The following MS4A13 variants were observed in gnomAD, a reference collection of about 807,000 sequenced individuals.
The protein encoded by MS4A13 is membrane spanning 4-domains A13, also known as membrane-spanning 4-domains subfamily A member 13.
Under a neutral mutation model 18.4 loss-of-function variants are expected in MS4A13, and 21 were observed. That is an observed-to-expected ratio of 1.14 (90% CI 0.81 to 1.64). The LOEUF (loss-of-function observed/expected upper bound fraction) is 1.64. Ranked by LOEUF, MS4A13 falls within the 40% of genes most tolerant of loss-of-function variation. The pLI is 0.00. For missense variants in MS4A13, 173 were observed against 176.8 expected (o/e 0.98, Z 0.12); for synonymous variants, 62 against 57.2 (o/e 1.08, Z -0.38).
intron 3 of MS4A13, among the ~76,000 whole-genome samples, chr11:60,523,117 T>C (rs1023904357): frequency 1.2e-4 from 19 of 152,220 alleles, no homozygotes; most frequent in African/African-American, 4.6e-4. Context: ...AATCTCAGCT[T>C]TTGTTGTGGA....
downstream of MS4A13, chr11:60,542,815 G>A: frequency 3.1e-6 from 1 of 321,548 alleles, no homozygotes; most frequent in Non-Finnish European, 5.7e-6. Context: ...TAGGTACGCT[G>A]AATAGCTGTC....
intron 6 of MS4A13, among the ~76,000 whole-genome samples, chr11:60,531,830 A>G (rs1450199770): frequency 6.6e-6 from 1 of 152,110 alleles, no homozygotes; most frequent in Non-Finnish European, 1.5e-5. Flanking sequence ...GGCTCATTCT[A>G]ATTACCTTAT....
At chr11:60,542,258 GAA>G (rs1321245912) in intron 6 of MS4A13, among the ~76,000 whole-genome samples, 2 of 146,166 alleles carry the variant, frequency 1.4e-5, no homozygotes, top group Admixed American at 6.9e-5. Flanking sequence ...AAAAGAGAAA[GAA>G]AGAAAGAAAA....
intron 6 of MS4A13, among the ~76,000 whole-genome samples, chr11:60,540,956 C>CAA (rs34052697): frequency 0.02 from 2,209 of 109,512 alleles, 50 homozygotes; most frequent in African/African-American, 0.071. Flanking sequence ...CCCTATCTCA[C>CAA]AAAAAAAAAA....
At position 60,542,666 on chromosome 11, in the gene MS4A13, C is replaced by A. The variant is rs966372399; in HGVS notation, c.*91C>A. 1 of 713,392 alleles carries A rather than the reference C, an allele frequency of 1.4e-6. No individual in the cohort carries two copies. The highest frequency in any genetic ancestry group is 2.2e-6 in the Non-Finnish European group (1 of 444,778). 44.2% of individuals were successfully genotyped at this position (713,392 alleles called of 1,614,324 possible). On this transcript the variant is annotated 3_prime_UTR_variant, in exon 7 of 7. Transcript: ENST00000378186. ...TATAACAAAGCAGTTACGAAGCCTA[C>A]AGATTTTGTGCAAAATAAAATACAA...
intron 6 of MS4A13, among the ~76,000 whole-genome samples, chr11:60,538,669 T>A (rs974282570): frequency 4.0e-5 from 6 of 151,384 alleles, no homozygotes; most frequent in Admixed American, 6.6e-5. Flanking sequence ...GTCCCATCTA[T>A]CCTATGAGAG....
chr11:60,522,227 GA>G (rs1565210885), intron 3 of MS4A13, among the ~76,000 whole-genome samples: 2 of 97,236 alleles, frequency 2.1e-5, no homozygotes, highest in African/African-American at 4.9e-5. Context: ...TAGATAGATA[GA>G]TAGATAGATA....
chr11:60,528,686 T>C (rs1319422247), intron 5 of MS4A13, among the ~76,000 whole-genome samples: 2 of 152,136 alleles, frequency 1.3e-5, no homozygotes, highest in African/African-American at 2.4e-5. Flanking sequence ...TTCTTGTCTT[T>C]CCACAGCCAG....
chr11:60,527,600 C>T (rs1053789815), intron 5 of MS4A13, among the ~76,000 whole-genome samples: 3 of 152,084 alleles, frequency 2.0e-5, no homozygotes, highest in Admixed American at 6.5e-5. Flanking sequence ...CTTTGGAAGG[C>T]CAAGGCAGGC....
intron 6 of MS4A13, 70 bp from the exon 7 acceptor site, chr11:60,542,449 A>T: frequency 9.6e-7 from 1 of 1,043,860 alleles, no homozygotes; most frequent in Admixed American, 2.2e-5. Context: ...TTTTAAGAAA[A>T]AGATCTATTT....
chr11:60,532,484 C>G (rs1283490685), intron 6 of MS4A13, among the ~76,000 whole-genome samples: 1 of 152,226 alleles, frequency 6.6e-6, no homozygotes, highest in Non-Finnish European at 1.5e-5. Flanking sequence ...AACGGCGCAC[C>G]AGGAGACTAT....
intron 6 of MS4A13, among the ~76,000 whole-genome samples, chr11:60,537,925 G>A (rs928602049): frequency 7.6e-6 from 1 of 132,108 alleles, no homozygotes; most frequent in African/African-American, 2.8e-5. Context: ...ACTATCGCAA[G>A]AACAAAAAAC....
At chr11:60,528,699 C>A (rs2086738196) in intron 5 of MS4A13, among the ~76,000 whole-genome samples, 1 of 152,174 alleles carries the variant, frequency 6.6e-6, no homozygotes, top group Admixed American at 6.5e-5. Context: ...ACAGCCAGCA[C>A]AAAACCCACA....
At chr11:60,533,582 A>T (rs1235619460) in intron 6 of MS4A13, among the ~76,000 whole-genome samples, 1 of 120,036 alleles carries the variant, frequency 8.3e-6, no homozygotes, top group Non-Finnish European at 1.7e-5. Context: ...AATGGAACCA[A>T]GTTGGAAAAC....
At chr11:60,517,842 T>G (rs1435119753) in intron 2 of MS4A13, among the ~76,000 whole-genome samples, 1 of 152,132 alleles carries the variant, frequency 6.6e-6, no homozygotes, top group Non-Finnish European at 1.5e-5. Context: ...GAGCTACTAT[T>G]ATTGAACAGC....
intron 3 of MS4A13, among the ~76,000 whole-genome samples, chr11:60,518,861 G>GAAT (rs2086655385): frequency 6.6e-6 from 1 of 152,176 alleles, no homozygotes; most frequent in African/African-American, 2.4e-5. Flanking sequence ...AGGAAGAGAG[G>GAAT]AATTACAGAC....
chr11:60,530,157 A>C (rs2086754352), intron 6 of MS4A13, among the ~76,000 whole-genome samples: 1 of 152,194 alleles, frequency 6.6e-6, no homozygotes, highest in Non-Finnish European at 1.5e-5. Context: ...TTCTTTCTCA[A>C]ATATTTACGG....
Position 60,524,130 on chromosome 11 carries a change from T to C in MS4A13, c.186+177T>C, listed in dbSNP as rs186678882. Among the ~76,000 whole-genome samples the C allele has an allele frequency of 1.6e-4, 25 of 152,352 alleles. No homozygotes were observed. The East Asian group carries it at 4.8e-3, about 29-fold the overall frequency. On this transcript the variant is annotated intron_variant, in intron 4 of 6. Coordinates refer to ENST00000378186, the MANE Select transcript of MS4A13 (RefSeq NM_001012417.3). ...TTTAATATAGACAAATATACTGTAT[T>C]GGTTAAAATCATGATTACTTTATGT...
intron 6 of MS4A13, among the ~76,000 whole-genome samples, chr11:60,533,184 C>T (rs1295861257): frequency 3.0e-5 from 3 of 100,520 alleles, no homozygotes; most frequent in African/African-American, 7.4e-5. Context: ...ATGATTTTGA[C>T]GAGCTGAGAG....
Sources: gnomAD v4.1 joint callset for allele counts (sites outside exome capture counted in the v4.1 genomes callset) on GRCh38, gnomAD v4.1.1 for gene constraint, MANE v1.5 for transcripts, NCBI Gene and HGNC (gene_info 2026-07-23, HGNC 2026-07-21) for gene names.